Variants in CCSER1 observed in about 807,000 individuals in gnomAD.
CCSER1 encodes the protein coiled-coil serine rich protein 1.
Under a neutral mutation model 82.0 loss-of-function variants are expected in CCSER1, and 41 were observed. That is an observed-to-expected ratio of 0.50 (90% CI 0.39 to 0.65). CCSER1 has a LOEUF of 0.65. Among genes scored for constraint, CCSER1 ranks in the 30% least tolerant of loss-of-function variants. The probability of loss-of-function intolerance (pLI) is 0.00; values close to 1 mark genes in which losing one functional copy is unlikely to be tolerated. For synonymous variants in CCSER1, 414 were observed against 383.9 expected (o/e 1.08, Z -0.92); for missense variants, 1,119 against 1,064.2 (o/e 1.05, Z -0.72).
At chr4:90,820,152 T>C (rs1485442630) in intron 8 of CCSER1, among the ~76,000 whole-genome samples, 1 of 152,162 alleles carries the variant, frequency 6.6e-6, no homozygotes, top group Non-Finnish European at 1.5e-5. Flanking sequence ...AATATGGTGA[T>C]ATGGAAAATT....
intron 7 of CCSER1, among the ~76,000 whole-genome samples, chr4:90,751,343 T>A (rs1187201682): frequency 6.6e-6 from 1 of 152,164 alleles, no homozygotes; most frequent in Admixed American, 6.5e-5. Context: ...TACATTTTTA[T>A]GTGGTAAAAA....
chr4:90,322,806 G>T (rs1461435834), intron 3 of CCSER1, among the ~76,000 whole-genome samples: 2 of 152,132 alleles, frequency 1.3e-5, no homozygotes, highest in Non-Finnish European at 2.9e-5. Flanking sequence ...AGGTGGCCTG[G>T]AGCTGAGGGA....
chr4:90,486,077 A>G (rs559372553), intron 5 of CCSER1, among the ~76,000 whole-genome samples: 29 of 152,320 alleles, frequency 1.9e-4, no homozygotes, highest in African/African-American at 7.0e-4. Flanking sequence ...TTCACAAATC[A>G]GAGGTCCTTT....
intron 10 of CCSER1, among the ~76,000 whole-genome samples, chr4:91,212,389 C>T (rs1012248434): frequency 1.3e-5 from 2 of 152,002 alleles, no homozygotes; most frequent in Non-Finnish European, 2.9e-5. Flanking sequence ...CAGTCCTTTT[C>T]ATCTTTCCTC....
At chr4:90,643,247 T>C (rs1265183034) in intron 6 of CCSER1, among the ~76,000 whole-genome samples, 3 of 152,236 alleles carry the variant, frequency 2.0e-5, no homozygotes, top group Non-Finnish European at 4.4e-5. Context: ...TCAACTAAGT[T>C]GTAGTGTGAA....
intron 7 of CCSER1, among the ~76,000 whole-genome samples, chr4:90,806,314 T>C (rs1757504369): frequency 6.6e-6 from 1 of 152,218 alleles, no homozygotes; most frequent in Non-Finnish European, 1.5e-5. Flanking sequence ...TGTGGTGAGA[T>C]TGTGAACTCC....
chr4:90,377,542 T>A (rs1748533629), intron 3 of CCSER1, among the ~76,000 whole-genome samples: 1 of 152,162 alleles, frequency 6.6e-6, no homozygotes, highest in Non-Finnish European at 1.5e-5. Context: ...AACAGTGGTC[T>A]CCAAGGAAAA....
chr4:91,114,549 G>T (rs890507200), intron 10 of CCSER1, among the ~76,000 whole-genome samples: 2 of 152,172 alleles, frequency 1.3e-5, no homozygotes, highest in African/African-American at 4.8e-5. Flanking sequence ...CTAATCAGAA[G>T]AAAACACTGT....
intron 1 of CCSER1, among the ~76,000 whole-genome samples, chr4:90,257,392 A>C (rs574680333): frequency 6.6e-6 from 1 of 152,226 alleles, no homozygotes; most frequent in African/African-American, 2.4e-5. Context: ...TTAAGGGAGC[A>C]AAAAATATTT....
At chr4:90,626,896 G>T (rs1723392540) in intron 5 of CCSER1, among the ~76,000 whole-genome samples, 1 of 152,120 alleles carries the variant, frequency 6.6e-6, no homozygotes, top group Non-Finnish European at 1.5e-5. Flanking sequence ...TTAGTAGGGG[G>T]CAAAATCCTA....
At chr4:90,967,533 C>T (rs770092809) in intron 9 of CCSER1, among the ~76,000 whole-genome samples, 2 of 151,884 alleles carry the variant, frequency 1.3e-5, no homozygotes, top group Non-Finnish European at 2.9e-5. Flanking sequence ...ACACCTACCT[C>T]ACAACATATA....
At chr4:91,516,110 A>G (rs1760106574) in intron 10 of CCSER1, among the ~76,000 whole-genome samples, 1 of 151,968 alleles carries the variant, frequency 6.6e-6, no homozygotes, top group Non-Finnish European at 1.5e-5. Context: ...TGGCTATTAT[A>G]TGTAGTTAGA....
At chr4:90,586,098 G>A (rs1027817194) in intron 5 of CCSER1, among the ~76,000 whole-genome samples, 2 of 152,170 alleles carry the variant, frequency 1.3e-5, no homozygotes, top group Non-Finnish European at 2.9e-5. Flanking sequence ...CTGCACAGCA[G>A]GAGGTGAGTG....
chr4:91,241,678 A>G (rs568010278), intron 10 of CCSER1, among the ~76,000 whole-genome samples: 1 of 152,238 alleles, frequency 6.6e-6, no homozygotes, highest in South Asian at 2.1e-4. Flanking sequence ...ATAACTATAC[A>G]TGTGTTTTCA....
At chr4:90,910,891 G>A (rs1332736607) in intron 8 of CCSER1, among the ~76,000 whole-genome samples, 12 of 152,082 alleles carry the variant, frequency 7.9e-5, no homozygotes, top group African/African-American at 1.2e-4. Context: ...AACACTTGTG[G>A]GTCCCAGGCC....
chr4:90,858,727 T>G (rs889206355), intron 8 of CCSER1, among the ~76,000 whole-genome samples: 2 of 151,930 alleles, frequency 1.3e-5, no homozygotes, highest in Admixed American at 6.6e-5. Flanking sequence ...GATACCATAA[T>G]ATAATTTAGA....
chr4:90,246,483 A>G (rs1352754521), intron 1 of CCSER1, among the ~76,000 whole-genome samples: 1 of 152,160 alleles, frequency 6.6e-6, no homozygotes, highest in Admixed American at 6.6e-5. Flanking sequence ...ACAATGGACT[A>G]CTATAAGAGC....
intron 10 of CCSER1, among the ~76,000 whole-genome samples, chr4:91,488,579 G>A (rs1758344176): frequency 1.3e-5 from 2 of 152,106 alleles, no homozygotes; most frequent in African/African-American, 2.4e-5. Flanking sequence ...GAGTGAGTTA[G>A]CACGAGAACT....
chr4:90,574,513 C>T (rs192621903), intron 5 of CCSER1, among the ~76,000 whole-genome samples: 308 of 151,486 alleles, frequency 2.0e-3, no homozygotes, highest in Admixed American at 3.9e-3. Flanking sequence ...CATGATCCAC[C>T]CGCCTCGGCC....
Sources: allele counts gnomAD v4.1 joint callset (sites outside exome capture counted in the v4.1 genomes callset), GRCh38; gene constraint gnomAD v4.1.1; transcripts MANE v1.5; gene names NCBI Gene and HGNC (gene_info 2026-07-23, HGNC 2026-07-21).